The following LIF variants were observed in gnomAD, a reference collection of about 807,000 sequenced individuals.
LIF encodes the protein LIF interleukin 6 family cytokine.
In LIF, 9 loss-of-function variants were observed where a neutral mutation model predicts 15.0. The ratio of observed to expected loss-of-function variants is 0.60; its 90% CI spans 0.36 to 1.04. The LOEUF is 1.04. Ranked by LOEUF, LIF falls within the 50% of genes least tolerant of loss-of-function variation. The probability of loss-of-function intolerance (pLI) is 0.01; values close to 1 mark genes in which losing one functional copy is unlikely to be tolerated. For synonymous variants in LIF, 122 were observed against 119.7 expected (o/e 1.02, Z -0.13); for missense variants, 240 against 266.7 (o/e 0.90, Z 0.70).
intron 2 of LIF, 84 bp from the exon 3 acceptor site, chr22:30,244,145 C>A: frequency 7.3e-7 from 1 of 1,370,290 alleles, no homozygotes; most frequent in South Asian, 1.3e-5. Flanking sequence ...GCTCTTGCGT[C>A]TGTTTCCCCA....
At chr22:30,244,722 C>A (rs774255162) in intron 2 of LIF, 33 bp downstream of exon 2, 2 of 1,595,522 alleles carry the variant, frequency 1.3e-6, no homozygotes, top group Non-Finnish European at 1.7e-6. Flanking sequence ...CCCCTCCCTG[C>A]CATCTCCTGT....
intron 1 of LIF, 91 bp downstream of exon 1, chr22:30,246,586 G>T: frequency 6.7e-7 from 1 of 1,498,202 alleles, no homozygotes; most frequent in Non-Finnish European, 8.9e-7. Context: ...TCTGCGGCGG[G>T]TGGGCGTCCG....
chr22:30,244,978 G>C (rs1928825475), intron 1 of LIF, 45 bp from the exon 2 acceptor site: 1 of 1,599,396 alleles, frequency 6.3e-7, no homozygotes, highest in Non-Finnish European at 8.6e-7. Flanking sequence ...GGCAGGAAAG[G>C]GTGGCCTGGG....
rs1400454674 is a variant in LIF at position 30,241,873 on chromosome 22, CTTCCT to C, written c.*1773_*1777del. 2 of 152,450 alleles carry C rather than the reference CTTCCT, an allele frequency of 1.3e-5. No homozygotes were observed. Among genetic ancestry groups the C allele is most frequent in the Admixed American group, 1.3e-4 (2 of 15,278 alleles). The allele number at this position is 152,450 out of a possible 1,614,324, so 9.4% of individuals were successfully genotyped here. On this transcript the variant is annotated 3_prime_UTR_variant, in exon 3 of 3. Coordinates refer to ENST00000249075, the MANE Select transcript of LIF (RefSeq NM_002309.5). The surrounding 1 kb of genome is among the most constrained non-coding windows in gnomAD (Gnocchi z 4.4). ...GGGGGTGGAGCAGGAGGGCCCACAG[CTTCCT>C]GGTCTGAGTCCCAGGCATCTGCAGC...
In LIF at chr22:30,244,065, A is replaced by G; in HGVS notation, c.199-4T>C. The G allele has an allele frequency of 6.3e-7, 1 of 1,595,064 alleles. No homozygotes were observed. The highest frequency in any genetic ancestry group is 1.1e-5 in the South Asian group (1 of 90,858). ...ACGGCTCCCCCTGGGCTGTGTACTG[A>G]GGGGCAGAAGGGAGGTGACGTGGGA... On this transcript the variant is annotated splice_region_variant and splice_polypyrimidine_tract_variant and intron_variant, in intron 2 of 2. Coordinates refer to ENST00000249075, the MANE Select transcript of LIF (RefSeq NM_002309.5).
chr22:30,243,704 G>A lies in LIF; in HGVS notation c.556C>T (p.Gln186Ter), dbSNP rs1237729922. The A allele has an allele frequency of 6.2e-7, 1 of 1,614,244 alleles. No homozygotes were observed. The change falls in exon 3 of 3, where the codon CAA (glutamine) becomes TAA (stop). Residue 186 changes from glutamine to a stop codon, truncating the protein, a stop_gained. Transcript: ENST00000249075. LOFTEE classifies it high-confidence loss of function. This position sits in a 1 kb window ranked among gnomAD's most constrained non-coding sequence, Gnocchi z 6.0. ...ATCTGCTTATACTTCCCCAGGAGTT[G>A]ACAGCCCAGCTTCTTCTTCTGGAAG... is the stretch of plus-strand genomic sequence containing the variant. ...DVFQKKKLGC[Q>*]LLGKYKQIIA...
intron 1 of LIF, 125 bp downstream of exon 1, chr22:30,246,552 G>A (rs1928903301): frequency 5.2e-6 from 7 of 1,355,044 alleles, no homozygotes; most frequent in Non-Finnish European, 6.6e-6. Flanking sequence ...CGGTGGCTGC[G>A]CGGGCGCCCC....
Position 30,242,656 on chromosome 22 carries a change from G to A in LIF, c.*995C>T, listed in dbSNP as rs1038474532. ...GGGTTCCCTGAGACCCTGACCCTAA[G>A]TTCTGCTGTTCCCTTGCCCTGGGGA... On this transcript the variant is annotated 3_prime_UTR_variant, in exon 3 of 3. Transcript: ENST00000249075. 2 of 152,696 alleles carry A rather than the reference G, an allele frequency of 1.3e-5. No homozygotes were observed. Among genetic ancestry groups the A allele is most frequent in the African/African-American group, 4.8e-5 (2 of 41,412 alleles). 9.5% of individuals were successfully genotyped at this position (152,696 alleles called of 1,614,324 possible).
In LIF at chr22:30,243,803, A is replaced by C. The variant is rs760902711; in HGVS notation, c.457T>G (p.Cys153Gly). Reference protein sequence around the residue: ...ILRGLLSNVLCRLCSKYHVGH... With the variant: ...ILRGLLSNVLGRLCSKYHVGH... Reference sequence around the variant, plus strand: ...ACGTGGTACTTGCTGCACAGGCGGCACAGCACGTTGCTAAGGAGGCCTCGC... The same window carrying C: ...ACGTGGTACTTGCTGCACAGGCGGCCCAGCACGTTGCTAAGGAGGCCTCGC... Residue 153 changes from cysteine (C) to glycine (G), a missense_variant, in exon 3 of 3, where the codon TGC (cysteine) becomes GGC (glycine). By Grantham distance (159) the Cys-to-Gly change is radical (BLOSUM62 -3). Coordinates refer to ENST00000249075, the MANE Select transcript of LIF (RefSeq NM_002309.5). This position sits in a 1 kb window ranked among gnomAD's most constrained non-coding sequence, Gnocchi z 6.0. The C allele has an allele frequency of 1.2e-6, 2 of 1,614,248 alleles. No homozygotes were observed. The highest frequency in any genetic ancestry group is 8.5e-7 in the Non-Finnish European group (1 of 1,180,046).
intron 1 of LIF, 41 bp downstream of exon 1, chr22:30,246,635 CG>C: frequency 6.5e-7 from 1 of 1,544,606 alleles, no homozygotes; most frequent in Non-Finnish European, 8.8e-7. Flanking sequence ...CGCCGCGCCC[CG>C]CAGCGGGGAC....
rs1313642036 is a variant in LIF, at chr22:30,243,735, C to T, written c.525G>A (p.Lys175=). The T allele has an allele frequency of 6.2e-7, 1 of 1,614,142 alleles. No individual in the cohort carries two copies. The highest frequency in any genetic ancestry group is 1.3e-5 in the African/African-American group (1 of 74,936). Residue 175 remains lysine, a synonymous_variant, in exon 3 of 3, where the codon AAG becomes AAA. Coordinates refer to ENST00000249075, the MANE Select transcript of LIF (RefSeq NM_002309.5). This position sits in a 1 kb window ranked among gnomAD's most constrained non-coding sequence, Gnocchi z 6.0. ...DVTYGPDTSG[K]DVFQKKKLGC... ...CCAGCTTCTTCTTCTGGAAGACATC[C>T]TTACCCGAGGTGTCAGGGCCGTAGG...
rs755503585 is a variant in LIF at position 30,243,742 on chromosome 22, G to A, written c.518C>T (p.Ser173Leu). The A allele has an allele frequency of 2.6e-5, 42 of 1,614,120 alleles. No homozygotes were observed. The highest frequency in any genetic ancestry group is 1.1e-4 in the African/African-American group (8 of 74,934). ...HVDVTYGPDT[S>L]GKDVFQKKKL... ...CTTCTTCTGGAAGACATCCTTACCC[G>A]AGGTGTCAGGGCCGTAGGTCACGTC... Residue 173 changes from serine (S) to leucine (L), a missense_variant, in exon 3 of 3, where the codon TCG becomes TTG. By Grantham distance (145) the Ser-to-Leu change is moderately radical (BLOSUM62 -2). Coordinates refer to ENST00000249075, the MANE Select transcript of LIF (RefSeq NM_002309.5). The surrounding 1 kb of genome is among the most constrained non-coding windows in gnomAD (Gnocchi z 6.0).
In LIF at chr22:30,243,928, T is replaced by A; in HGVS notation, c.332A>T (p.Tyr111Phe). The part of the protein sequence containing the change: ...KLVELYRIVV[Y>F]LGTSLGNITR... ...GATGTTGCCCAGGGAGGTGCCAAGG[T>A]ACACGACTATGCGGTACAGCTCCAC... The change falls in exon 3 of 3, where the codon TAC becomes TTC. Residue 111 changes from tyrosine (Y) to phenylalanine (F), a missense_variant. Coordinates refer to ENST00000249075, the MANE Select transcript of LIF (RefSeq NM_002309.5). The surrounding 1 kb of genome is among the most constrained non-coding windows in gnomAD (Gnocchi z 6.0). The A allele has an allele frequency of 1.9e-6, 3 of 1,614,200 alleles. No homozygotes were observed. Among genetic ancestry groups the A allele is most frequent in the Non-Finnish European group, 2.5e-6 (3 of 1,180,030 alleles).
In LIF at chr22:30,246,485, C is replaced by T. The variant is rs571002564; in HGVS notation, c.19+192G>A. On this transcript the variant is annotated intron_variant, in intron 1 of 2. Transcript: ENST00000249075. ...CCCTCGCCGCCAACCTGCCGCGGGG[C>T]GTGCGGTGCTTGGGACCATGTGCCC... is the stretch of plus-strand genomic sequence containing the variant. The T allele has an allele frequency of 6.0e-4, 736 of 1,230,516 alleles. 1 individual carries two copies. Among genetic ancestry groups the T allele is most frequent in the Admixed American group, 9.9e-4 (22 of 22,250 alleles). The allele number at this position is 1,230,516 out of a possible 1,614,324, so 76.2% of individuals were successfully genotyped here. A position where few individuals can be genotyped will look rare whatever the true frequency, so the allele number is the denominator to read the frequency against.
rs569818313 is a variant in LIF, at chr22:30,242,690, G to T, written c.*961C>A. The T allele has an allele frequency of 6.6e-6, 1 of 152,630 alleles. No individual in the cohort carries two copies. Among genetic ancestry groups the T allele is most frequent in the Non-Finnish European group, 1.5e-5 (1 of 68,010 alleles). The allele number at this position is 152,630 out of a possible 1,614,324, so 9.5% of individuals were successfully genotyped here. A position where few individuals can be genotyped will look rare whatever the true frequency, so the allele number is the denominator to read the frequency against. On this transcript the variant is annotated 3_prime_UTR_variant, in exon 3 of 3. Coordinates refer to ENST00000249075, the MANE Select transcript of LIF (RefSeq NM_002309.5). ...TTCCCTTGCCCTGGGGACCAGAGAC[G>T]GCCTCCAGTCCCCCTCAAGTACCTC...
In LIF at chr22:30,241,879, GGTCTGAGTCCCAGGCA is replaced by G. The variant is rs1277474067; in HGVS notation, c.*1756_*1771del. On this transcript the variant is annotated 3_prime_UTR_variant, in exon 3 of 3. Coordinates refer to ENST00000249075, the MANE Select transcript of LIF (RefSeq NM_002309.5). This position sits in a 1 kb window ranked among gnomAD's most constrained non-coding sequence, Gnocchi z 4.4. ...GGAGCAGGAGGGCCCACAGCTTCCT[GGTCTGAGTCCCAGGCA>G]TCTGCAGCCTCCCTCTCCTCCTCTT... 1.3e-5 allele frequency: 2 copies of G among 152,070 alleles called. No individual in the cohort carries two copies. Among genetic ancestry groups the G allele is most frequent in the Admixed American group, 1.3e-4 (2 of 15,242 alleles). 9.4% of individuals were successfully genotyped at this position (152,070 alleles called of 1,614,324 possible). A position where few individuals can be genotyped will look rare whatever the true frequency, so the allele number is the denominator to read the frequency against.
Position 30,243,411 on chromosome 22 carries a change from A to G in LIF, c.*240T>C, listed in dbSNP as rs922714172. ...GTCCAGCCCACGCTCCCCAGTCCAC[A>G]ATCTCCCAGAGGAAGGGGCACCTTC... On this transcript the variant is annotated 3_prime_UTR_variant, in exon 3 of 3. Transcript: ENST00000249075. This position sits in a 1 kb window ranked among gnomAD's most constrained non-coding sequence, Gnocchi z 6.0. The G allele has an allele frequency of 5.1e-6, 3 of 592,586 alleles. No individual in the cohort carries two copies. The African/African-American group carries it at 5.6e-5, about 11-fold the overall frequency. 36.7% of individuals were successfully genotyped at this position (592,586 alleles called of 1,614,324 possible). A position where few individuals can be genotyped will look rare whatever the true frequency, so the allele number is the denominator to read the frequency against.
At chr22:30,245,466 C>G (rs1601643518) in intron 1 of LIF, among the ~76,000 whole-genome samples, 1 of 152,142 alleles carries the variant, frequency 6.6e-6, no homozygotes, top group Admixed American at 6.5e-5. Flanking sequence ...GAGGAGTCCT[C>G]GGTTGACCCT....
chr22:30,243,391 G>A lies in LIF; in HGVS notation c.*260C>T. 1.7e-6 allele frequency: 1 copy of A among 572,090 alleles called. No individual in the cohort carries two copies. Among genetic ancestry groups the A allele is most frequent in the Non-Finnish European group, 3.1e-6 (1 of 319,116 alleles). 35.4% of individuals were successfully genotyped at this position (572,090 alleles called of 1,614,324 possible). On this transcript the variant is annotated 3_prime_UTR_variant, in exon 3 of 3. Transcript: ENST00000249075. This position sits in a 1 kb window ranked among gnomAD's most constrained non-coding sequence, Gnocchi z 6.0. ...AGGGACAAGTAGAGGCAGAAGTCCA[G>A]CCCACGCTCCCCAGTCCACAATCTC...
Sources: allele counts gnomAD v4.1 joint callset (sites outside exome capture counted in the v4.1 genomes callset), GRCh38; gene constraint gnomAD v4.1.1; non-coding constraint Gnocchi (gnomAD v3.1); transcripts MANE v1.5; gene names NCBI Gene and HGNC (gene_info 2026-07-23, HGNC 2026-07-21).